The following PANK1 variants were observed in gnomAD, a reference collection of about 807,000 sequenced individuals.
The protein encoded by PANK1 is pantothenate kinase 1, also known as pantothenic acid kinase 1.
PANK1 carries 18 observed loss-of-function variants against 40.1 expected under a neutral mutation model. The ratio of observed to expected loss-of-function variants is 0.45; its 90% CI spans 0.31 to 0.67. PANK1 has a LOEUF of 0.67. PANK1 is among the 30% of genes least tolerant of loss of function. PANK1 has a pLI of 0.06. For synonymous variants in PANK1, 242 were observed against 237.7 expected, an observed-to-expected ratio of 1.02 and a Z score of -0.17; for missense variants, 457 against 599.6, an observed-to-expected ratio of 0.76 and a Z score of 2.48.
chr10:89,629,793 C>T (rs1589811941), intron 1 of PANK1, among the ~76,000 whole-genome samples: 1 of 152,176 alleles, frequency 6.6e-6, no homozygotes, highest in East Asian at 1.9e-4. Context: ...ACAGCAGCTG[C>T]AAATCATAAC....
downstream of PANK1, chr10:89,581,509 C>T (rs930117005): frequency 2.0e-5 from 3 of 151,014 alleles, no homozygotes; most frequent in African/African-American, 7.3e-5. Context: ...AGCTCTGCCT[C>T]CCAGGTTCAC....
At position 89,644,957 on chromosome 10, in the gene PANK1, G is replaced by T; in HGVS notation, c.-66C>A. 6.4e-7 allele frequency: 1 copy of T among 1,572,594 alleles called. No homozygotes were observed. Among genetic ancestry groups the T allele is most frequent in the Non-Finnish European group, 8.6e-7 (1 of 1,162,904 alleles). The stretch of plus-strand genomic sequence containing the variant: ...CGGCCTCGCTGGAGGTCATTCTCCG[G>T]CGTCTTTATTTCCCCGGATCCTCCC... On this transcript the variant is annotated 5_prime_UTR_variant, in exon 1 of 7. Coordinates refer to ENST00000307534, the MANE Select transcript of PANK1 (RefSeq NM_148977.3).
intron 1 of PANK1, among the ~76,000 whole-genome samples, chr10:89,639,614 G>A (rs1216960772): frequency 2.6e-5 from 4 of 152,158 alleles, no homozygotes; most frequent in Non-Finnish European, 1.5e-5. Context: ...TAGGAAATGC[G>A]GACCTGAATC....
At chr10:89,624,236 T>A (rs966063716) in intron 1 of PANK1, among the ~76,000 whole-genome samples, 1 of 152,220 alleles carries the variant, frequency 6.6e-6, no homozygotes, top group Non-Finnish European at 1.5e-5. Flanking sequence ...AACCCATCTG[T>A]TAGGTGCAAG....
intron 3 of PANK1, 62 bp downstream of exon 3, chr10:89,599,190 T>C: frequency 6.8e-7 from 1 of 1,476,566 alleles, no homozygotes; most frequent in South Asian, 1.3e-5. Context: ...AAATAACCTT[T>C]TACTATAAAC....
At chr10:89,603,288 C>T (rs1025867515) in intron 2 of PANK1, among the ~76,000 whole-genome samples, 2 of 152,176 alleles carry the variant, frequency 1.3e-5, no homozygotes, top group Non-Finnish European at 2.9e-5. Context: ...CATACATGGA[C>T]TCTTTTAACC....
chr10:89,641,142 T>A (rs1211801357), intron 1 of PANK1, among the ~76,000 whole-genome samples: 2 of 152,236 alleles, frequency 1.3e-5, no homozygotes, highest in African/African-American at 2.4e-5. Flanking sequence ...ACTTGCAATG[T>A]CTCTTATCCA....
In PANK1 at chr10:89,635,127, AATAT is replaced by A. The variant is rs149212463; in HGVS notation, c.292+9469_292+9472del. Among the ~76,000 whole-genome samples, 510 of 148,416 alleles carry A rather than the reference AATAT, an allele frequency of 3.4e-3. 3 individuals are homozygous for A. The highest frequency in any genetic ancestry group is 0.012 in the African/African-American group (479 of 40,828). ...TGTCTACATGGTTGATCATTTAGCA[AATAT>A]ATATATATATATAGAGAGAGAGAGA... On this transcript the variant is annotated intron_variant, in intron 1 of 6. Coordinates refer to ENST00000307534, the MANE Select transcript of PANK1 (RefSeq NM_148977.3).
intron 1 of PANK1, chr10:89,625,776 G>A (rs1264479351): frequency 6.6e-6 from 1 of 152,118 alleles, no homozygotes; most frequent in Non-Finnish European, 1.5e-5. Flanking sequence ...GGCAAAGGAA[G>A]CCATGTCATT....
chr10:89,621,483 G>C (rs1845485126), intron 1 of PANK1, among the ~76,000 whole-genome samples: 1 of 152,132 alleles, frequency 6.6e-6, no homozygotes, highest in Non-Finnish European at 1.5e-5. Flanking sequence ...AGGAACGTTA[G>C]GTTGAGTCTA....
rs1844119547 is a variant in PANK1, at chr10:89,584,125, A to G, written c.*281T>C. 3.0e-6 allele frequency: 1 copy of G among 336,286 alleles called. No homozygotes were observed. Among genetic ancestry groups the G allele is most frequent in the Middle Eastern group, 8.3e-4 (1 of 1,208 alleles). 20.8% of individuals were successfully genotyped at this position (336,286 alleles called of 1,614,324 possible). A position where few individuals can be genotyped will look rare whatever the true frequency, so the allele number is the denominator to read the frequency against. ...CTTCTTAAACATCAAACAACTTTTCAAAGTTAATGCATACAATTGGTAGGT... is the reference window on the plus strand; with the variant it reads ...CTTCTTAAACATCAAACAACTTTTCGAAGTTAATGCATACAATTGGTAGGT... On this transcript the variant is annotated 3_prime_UTR_variant, in exon 7 of 7. Coordinates refer to ENST00000307534, the MANE Select transcript of PANK1 (RefSeq NM_148977.3).
At position 89,593,068 on chromosome 10, in the gene PANK1, A is replaced by G. The variant is rs182322886; in HGVS notation, c.1200+129T>C. ...CCAACACACACCCCTCCTGTTCTGT[A>G]AAGTGTGACTAGAGTAAAGGGAAGC... On this transcript the variant is annotated intron_variant, in intron 5 of 6. Transcript: ENST00000307534. 896 of 902,424 alleles carry G rather than the reference A, an allele frequency of 9.9e-4. 2 individuals carry two copies. The highest frequency in any genetic ancestry group is 5.4e-3 in the South Asian group (347 of 63,726). 55.9% of individuals were successfully genotyped at this position (902,424 alleles called of 1,614,324 possible).
At chr10:89,610,022 G>A (rs1327101978) in intron 2 of PANK1, among the ~76,000 whole-genome samples, 1 of 152,186 alleles carries the variant, frequency 6.6e-6, no homozygotes, top group Non-Finnish European at 1.5e-5. Context: ...AATGAGAGTG[G>A]ATCAGCATTT....
chr10:89,635,269 T>A, intron 1 of PANK1, among the ~76,000 whole-genome samples: 1 of 152,054 alleles, frequency 6.6e-6, no homozygotes, highest in East Asian at 1.9e-4. Flanking sequence ...GAACAGAAAT[T>A]TATCGGGCTC....
chr10:89,633,524 G>A (rs12569885), intron 1 of PANK1, among the ~76,000 whole-genome samples: 2 of 131,362 alleles, frequency 1.5e-5, no homozygotes, highest in African/African-American at 5.1e-5. Flanking sequence ...AACATTAACA[G>A]CCCTTTAATT....
At chr10:89,588,826 A>ATTGGGTC in intron 5 of PANK1, 49 bp from the exon 6 acceptor site, 1 of 1,435,676 alleles carries the variant, frequency 7.0e-7, no homozygotes, top group Non-Finnish European at 9.5e-7. Flanking sequence ...TAAAAATAGC[A>ATTGGGTC]TTTGGCAAAG....
chr10:89,601,980 C>A (rs1364112246), intron 2 of PANK1, among the ~76,000 whole-genome samples: 1 of 152,196 alleles, frequency 6.6e-6, no homozygotes, highest in East Asian at 1.9e-4. Flanking sequence ...GCACTATGCT[C>A]AAAGGCCTGC....
At chr10:89,624,265 C>A (rs979626230) in intron 1 of PANK1, among the ~76,000 whole-genome samples, 1 of 152,132 alleles carries the variant, frequency 6.6e-6, no homozygotes, top group South Asian at 2.1e-4. Flanking sequence ...TGGCTAGGAC[C>A]TGCCATACTT....
At chr10:89,591,369 T>C (rs1844382460) in intron 5 of PANK1, among the ~76,000 whole-genome samples, 1 of 152,234 alleles carries the variant, frequency 6.6e-6, no homozygotes, top group Non-Finnish European at 1.5e-5. Context: ...TATGTGTTTG[T>C]ATTATCTATC....
Sources: allele counts gnomAD v4.1 joint callset (sites outside exome capture counted in the v4.1 genomes callset), GRCh38; gene constraint gnomAD v4.1.1; transcripts MANE v1.5; gene names NCBI Gene and HGNC (gene_info 2026-07-23, HGNC 2026-07-21).